The following TUBA8 variants were observed in gnomAD, a reference collection of about 807,000 sequenced individuals.
TUBA8 encodes the protein tubulin alpha 8.
TUBA8 carries 29 observed loss-of-function variants against 34.7 expected under a neutral mutation model. The ratio of observed to expected loss-of-function variants is 0.84; its 90% CI spans 0.62 to 1.14. The LOEUF (loss-of-function observed/expected upper bound fraction) is 1.14, where lower values mean the gene tolerates loss of function less well. Among genes scored for constraint, TUBA8 ranks in the 50% most tolerant of loss-of-function variants. The pLI, the probability that TUBA8 is intolerant of heterozygous loss-of-function variation, is 0.00. For missense variants in TUBA8, 541 were observed against 599.2 expected (o/e 0.90, Z 1.01); for synonymous variants, 226 against 231.2 (o/e 0.98, Z 0.21).
At chr22:18,116,281 C>G (rs558492383) in intron 1 of TUBA8, 1 of 152,358 alleles carries the variant, frequency 6.6e-6, no homozygotes, top group South Asian at 2.1e-4. Context: ...TGGAGTTCTG[C>G]TATCCGAACT....
intron 4 of TUBA8, chr22:18,127,379 C>T (rs10427839): frequency 0.061 from 12,832 of 211,988 alleles, 609 homozygotes; most frequent in African/African-American, 0.13. Flanking sequence ...GTTCAATTTG[C>T]CTAACGTTAG....
intron 4 of TUBA8, chr22:18,129,116 ATTTTTT>A (rs1928422655): frequency 6.6e-6 from 1 of 152,182 alleles, no homozygotes; most frequent in Non-Finnish European, 1.5e-5. Flanking sequence ...GACTATGCCT[ATTTTTT>A]ATGTGACAGT....
At chr22:18,122,030 G>A in intron 2 of TUBA8, 1 of 299,352 alleles carries the variant, frequency 3.3e-6, no homozygotes, top group Non-Finnish European at 6.4e-6. Context: ...CCCTAAGTGA[G>A]CAATTTCCCT....
rs1473023010 is a variant in TUBA8, at chr22:18,111,694, C to T, written c.3+826C>T. 1 of 152,190 alleles carries T rather than the reference C, an allele frequency of 6.6e-6. No individual in the cohort carries two copies. The highest frequency in any genetic ancestry group is 1.5e-5 in the Non-Finnish European group (1 of 68,086). 9.4% of individuals were successfully genotyped at this position (152,190 alleles called of 1,614,324 possible). ...TGCCCCCAGTCCACTTTCCCAAAGC[C>T]CAGAATCCCAGGAATCCCTCCTGGA... On this transcript the variant is annotated intron_variant, in intron 1 of 4. Coordinates refer to ENST00000330423, the MANE Select transcript of TUBA8 (RefSeq NM_018943.3). This position sits in a 1 kb window ranked among gnomAD's most constrained non-coding sequence, Gnocchi z 5.1.
rs1281885158 is a variant in TUBA8, at chr22:18,121,752, G to A, written c.226+51G>A. ...ACAGAGAACATCTCGAAACTGCAGA[G>A]GCATTGGCCCACAGTAGCTAAGGAA... On this transcript the variant is annotated intron_variant, in intron 2 of 4. Transcript: ENST00000330423. This position sits in a 1 kb window ranked among gnomAD's most constrained non-coding sequence, Gnocchi z 4.8. 8 of 1,562,952 alleles carry A rather than the reference G, an allele frequency of 5.1e-6. No homozygotes were observed. Among genetic ancestry groups the A allele is most frequent in the Non-Finnish European group, 6.2e-6 (7 of 1,137,798 alleles).
At chr22:18,112,705 G>C (rs1419695312) in intron 1 of TUBA8, 1 of 152,218 alleles carries the variant, frequency 6.6e-6, no homozygotes. Context: ...TAAATATTTT[G>C]AAATGCGACC....
intron 1 of TUBA8, chr22:18,116,287 G>T (rs1489816041): frequency 2.0e-5 from 3 of 152,204 alleles, no homozygotes; most frequent in African/African-American, 7.2e-5. Context: ...TCTGCTATCC[G>T]AACTTGGTCT....
At chr22:18,129,730 A>G (rs990064688) in intron 4 of TUBA8, 6 of 152,008 alleles carry the variant, frequency 3.9e-5, no homozygotes, top group African/African-American at 1.5e-4. Flanking sequence ...CCTCAGGAGG[A>G]TGTGCATTTT....
In TUBA8 at chr22:18,111,078, A is replaced by AGTT; in HGVS notation, c.3+214_3+216dup. The AGTT allele has an allele frequency of 1.4e-6, 1 of 707,922 alleles. No individual in the cohort carries two copies. Among genetic ancestry groups the AGTT allele is most frequent in the South Asian group, 1.8e-5 (1 of 55,200 alleles). 43.9% of individuals were successfully genotyped at this position (707,922 alleles called of 1,614,324 possible). A position where few individuals can be genotyped will look rare whatever the true frequency, so the allele number is the denominator to read the frequency against. ...ATGGGGGAAATAGAGACCAGGGGCC[A>AGTT]GTTGTTCCTTAAAGGGACCTAAGGG... On this transcript the variant is annotated intron_variant, in intron 1 of 4. Coordinates refer to ENST00000330423, the MANE Select transcript of TUBA8 (RefSeq NM_018943.3). This position sits in a 1 kb window ranked among gnomAD's most constrained non-coding sequence, Gnocchi z 5.1.
chr22:18,111,006 C>G lies in TUBA8; in HGVS notation c.3+138C>G. On this transcript the variant is annotated intron_variant, in intron 1 of 4. Coordinates refer to ENST00000330423, the MANE Select transcript of TUBA8 (RefSeq NM_018943.3). This position sits in a 1 kb window ranked among gnomAD's most constrained non-coding sequence, Gnocchi z 5.1. ...CCTTCTGGGGGTGGCAGTTCAGGGT[C>G]GAGGAGTCCGCACCCTCGGGCGGGA... 1.5e-6 allele frequency: 2 copies of G among 1,320,826 alleles called. No homozygotes were observed. The highest frequency in any genetic ancestry group is 2.1e-6 in the Non-Finnish European group (2 of 956,898). The allele number at this position is 1,320,826 out of a possible 1,614,324, so 81.8% of individuals were successfully genotyped here.
rs750082096 is a variant in TUBA8 at position 18,124,350 on chromosome 22, C to G, written c.375+46C>G. 5 of 1,590,320 alleles carry G rather than the reference C, an allele frequency of 3.1e-6. No individual in the cohort carries two copies. The highest frequency in any genetic ancestry group is 8.6e-7 in the Non-Finnish European group (1 of 1,167,096). ...GACGGGTGGGTCAGGCTGGAGTGGACAGGCTTGGCCCCATGCCTCTTTGAT... is the reference window on the plus strand; with the variant it reads ...GACGGGTGGGTCAGGCTGGAGTGGAGAGGCTTGGCCCCATGCCTCTTTGAT... On this transcript the variant is annotated intron_variant, in intron 3 of 4. Transcript: ENST00000330423. The surrounding 1 kb of genome is among the most constrained non-coding windows in gnomAD (Gnocchi z 4.3).
chr22:18,121,892 A>T lies in TUBA8; in HGVS notation c.226+191A>T. On this transcript the variant is annotated intron_variant, in intron 2 of 4. Transcript: ENST00000330423. The surrounding 1 kb of genome is among the most constrained non-coding windows in gnomAD (Gnocchi z 4.8). ...TCGGGGAATCTCATGACAGTGATCA[A>T]GACTCTATGCAGAACAAAATGCCTC... is the stretch of plus-strand genomic sequence containing the variant. The T allele has an allele frequency of 1.6e-6, 1 of 613,576 alleles. No homozygotes were observed. The highest frequency in any genetic ancestry group is 2.9e-6 in the Non-Finnish European group (1 of 347,454). 38.0% of individuals were successfully genotyped at this position (613,576 alleles called of 1,614,324 possible).
rs1055178503 is a variant in TUBA8, at chr22:18,118,074, A to G, written c.4-3405A>G. 1.6e-4 allele frequency: 25 copies of G among 152,088 alleles called. No homozygotes were observed. Among genetic ancestry groups the G allele is most frequent in the African/African-American group, 5.8e-4 (24 of 41,412 alleles). The allele number at this position is 152,088 out of a possible 1,614,324, so 9.4% of individuals were successfully genotyped here. A position where few individuals can be genotyped will look rare whatever the true frequency, so the allele number is the denominator to read the frequency against. ...CCCACAGTTAGCGATGCTGAGATTG[A>G]TCGCGGCCTTAGGCTGGCGACCCTG... is the stretch of plus-strand genomic sequence containing the variant. On this transcript the variant is annotated intron_variant, in intron 1 of 4. Coordinates refer to ENST00000330423, the MANE Select transcript of TUBA8 (RefSeq NM_018943.3). This position sits in a 1 kb window ranked among gnomAD's most constrained non-coding sequence, Gnocchi z 4.0.
intron 1 of TUBA8, chr22:18,112,617 G>A (rs1055022649): frequency 2.6e-5 from 4 of 152,200 alleles, no homozygotes; most frequent in African/African-American, 7.2e-5. Flanking sequence ...ACAATGCCTG[G>A]TAAATCAACA....
chr22:18,111,865 C>G lies in TUBA8; in HGVS notation c.3+997C>G, dbSNP rs1927823552. On this transcript the variant is annotated intron_variant, in intron 1 of 4. Transcript: ENST00000330423. This position sits in a 1 kb window ranked among gnomAD's most constrained non-coding sequence, Gnocchi z 5.1. ...GATCCAGAAAGCAGGCGAGAACCCCCTCCGCCCCGCCCTGTTACGTTTGGC... is the reference window on the plus strand; with the variant it reads ...GATCCAGAAAGCAGGCGAGAACCCCGTCCGCCCCGCCCTGTTACGTTTGGC... The G allele has an allele frequency of 6.6e-6, 1 of 152,406 alleles. No homozygotes were observed. The allele number at this position is 152,406 out of a possible 1,614,324, so 9.4% of individuals were successfully genotyped here.
At chr22:18,112,940 T>G (rs1289177242) in intron 1 of TUBA8, 2 of 152,238 alleles carry the variant, frequency 1.3e-5, no homozygotes, top group Non-Finnish European at 2.9e-5. Context: ...CTGTATTTCT[T>G]CTAAGGATTA....
At position 18,124,119 on chromosome 22, in the gene TUBA8, T is replaced by G; in HGVS notation, c.227-37T>G. On this transcript the variant is annotated intron_variant, in intron 2 of 4. Transcript: ENST00000330423. This position sits in a 1 kb window ranked among gnomAD's most constrained non-coding sequence, Gnocchi z 4.3. ...GTGGTAGGGAGGGAGGCTTCTCCCC[T>G]GGGCAGTAGGACCTAATGGTCTTCC... 6.2e-7 allele frequency: 1 copy of G among 1,613,902 alleles called. No individual in the cohort carries two copies. The highest frequency in any genetic ancestry group is 8.5e-7 in the Non-Finnish European group (1 of 1,179,936).
intron 2 of TUBA8, chr22:18,123,781 C>T (rs1417488224): frequency 6.7e-6 from 2 of 299,178 alleles, no homozygotes; most frequent in Non-Finnish European, 1.3e-5. Context: ...CACCGTGTTG[C>T]CCAGGCTGGT....
In TUBA8 at chr22:18,124,000, C is replaced by T. The variant is rs556121872; in HGVS notation, c.227-156C>T. On this transcript the variant is annotated intron_variant, in intron 2 of 4. Coordinates refer to ENST00000330423, the MANE Select transcript of TUBA8 (RefSeq NM_018943.3). Reference sequence around the variant, plus strand: ...AGTCCCTGAGCTACCCGGGAATTCTCTTAGCCTTTTGCAGATTCATTACGA... The same window carrying T: ...AGTCCCTGAGCTACCCGGGAATTCTTTTAGCCTTTTGCAGATTCATTACGA... 3 of 897,490 alleles carry T rather than the reference C, an allele frequency of 3.3e-6. No individual in the cohort carries two copies. The African/African-American group carries it at 4.9e-5, about 15-fold the overall frequency. 55.6% of individuals were successfully genotyped at this position (897,490 alleles called of 1,614,324 possible).
Sources: gnomAD v4.1 joint callset for allele counts on GRCh38, gnomAD v4.1.1 for gene constraint, Gnocchi (gnomAD v3.1) non-coding constraint, MANE v1.5 for transcripts, NCBI Gene and HGNC (gene_info 2026-07-23, HGNC 2026-07-21) for gene names.